Variants in ISOC1 observed in about 807,000 individuals in gnomAD.
ISOC1 encodes isochorismatase domain-containing protein 1.
ISOC1 carries 33 observed loss-of-function variants against 30.0 expected under a neutral mutation model. The ratio of observed to expected loss-of-function variants is 1.10; its 90% confidence interval spans 0.83 to 1.47. The LOEUF is 1.47. Among genes scored for constraint, ISOC1 ranks in the 40% most tolerant of loss-of-function variants. The pLI, the probability that ISOC1 is intolerant of heterozygous loss-of-function variation, is 0.00. For synonymous variants in ISOC1, 178 were observed against 159.8 expected (o/e 1.11, Z -0.86); for missense variants, 372 against 388.0 (o/e 0.96, Z 0.35).
intron 1 of ISOC1, 98 bp from the exon 2 acceptor site, chr5:129,104,858 C>T: frequency 8.3e-7 from 1 of 1,211,546 alleles, no homozygotes; most frequent in Non-Finnish European, 1.1e-6. Context: ...CTTACTGGCT[C>T]AAACAATAGG....
intron 1 of ISOC1, among the ~76,000 whole-genome samples, chr5:129,095,957 C>A (rs564343671): frequency 6.6e-6 from 1 of 152,332 alleles, no homozygotes; most frequent in South Asian, 2.1e-4. Flanking sequence ...GATATCATTT[C>A]TTTAGCTGAG....
At chr5:129,099,843 C>T (rs1051035636) in intron 1 of ISOC1, among the ~76,000 whole-genome samples, 1 of 152,064 alleles carries the variant, frequency 6.6e-6, no homozygotes, top group African/African-American at 2.4e-5. Context: ...TTGAAATACC[C>T]CTATGATGTA....
Position 129,113,151 on chromosome 5 carries a change from G to A in ISOC1, c.*150G>A, listed in dbSNP as rs1014151203. The A allele has an allele frequency of 1.7e-6, 1 of 604,704 alleles. No individual in the cohort carries two copies. Among genetic ancestry groups the A allele is most frequent in the Non-Finnish European group, 2.7e-6 (1 of 366,478 alleles). 37.5% of individuals were successfully genotyped at this position (604,704 alleles called of 1,614,324 possible). On this transcript the variant is annotated 3_prime_UTR_variant, in exon 5 of 5. Transcript: ENST00000173527. ...TGCGCCTCCTAGTGAAACTTAACCA[G>A]CTAGACCATTTGAGTACCAGCATTT...
At chr5:129,112,077 G>T (rs971351050) in intron 4 of ISOC1, among the ~76,000 whole-genome samples, 1 of 152,136 alleles carries the variant, frequency 6.6e-6, no homozygotes, top group Non-Finnish European at 1.5e-5. Context: ...GCAGTAAAAA[G>T]AAATTAAGAA....
chr5:129,097,613 A>G (rs986936995), intron 1 of ISOC1: 2 of 152,320 alleles, frequency 1.3e-5, no homozygotes, highest in Non-Finnish European at 2.9e-5. Flanking sequence ...TCCTTACCTA[A>G]TAAATGAACT....
chr5:129,107,067 T>C lies in ISOC1; in HGVS notation c.750+5T>C. The C allele has an allele frequency of 6.2e-7, 1 of 1,601,218 alleles. No individual in the cohort carries two copies. Among genetic ancestry groups the C allele is most frequent in the Non-Finnish European group, 8.6e-7 (1 of 1,168,550 alleles). On this transcript the variant is annotated splice_donor_5th_base_variant and intron_variant, in intron 4 of 4. Transcript: ENST00000173527. ...GACAGGATGTTTGCCCTCGAGGTAA[T>C]TGTCCTGCTTGGGAATAGATCATTT...
intron 1 of ISOC1, among the ~76,000 whole-genome samples, chr5:129,100,481 T>C (rs114633488): frequency 0.017 from 2,663 of 152,224 alleles, 31 homozygotes; most frequent in African/African-American, 0.032. Flanking sequence ...CATATAGATA[T>C]ACGAAGGTGT....
At chr5:129,106,185 C>T (rs1753635827) in intron 3 of ISOC1, among the ~76,000 whole-genome samples, 1 of 152,138 alleles carries the variant, frequency 6.6e-6, no homozygotes, top group Non-Finnish European at 1.5e-5. Context: ...ACCTTATGCT[C>T]AATCACAATT....
Position 129,094,800 on chromosome 5 carries a change from C to T in ISOC1, c.34C>T (p.Pro12Ser), listed in dbSNP as rs764255107. 11 of 1,532,514 alleles carry T rather than the reference C, an allele frequency of 7.2e-6. No individual in the cohort carries two copies. The East Asian group carries it at 2.7e-4, about 38-fold the overall frequency. The allele number at this position is 1,532,514 out of a possible 1,614,324, so 94.9% of individuals were successfully genotyped here. A position where few individuals can be genotyped will look rare whatever the true frequency, so the allele number is the denominator to read the frequency against. ...AAAEPAVLALPNSGAGGAGAP... is the reference protein window; with the variant it reads ...AAAEPAVLALSNSGAGGAGAP... The stretch of plus-strand genomic sequence containing the variant: ...TGCGGAGCCGGCGGTCCTTGCGCTC[C>T]CCAACAGCGGCGCCGGGGGCGCGGG... The change falls in exon 1 of 5, where the codon CCC (proline) becomes TCC (serine). Residue 12 changes from proline to serine, a missense_variant. Pro to Ser is a moderately conservative substitution (Grantham distance 74). Coordinates refer to ENST00000173527, the MANE Select transcript of ISOC1 (RefSeq NM_016048.2).
chr5:129,110,854 G>A (rs1445362961), intron 4 of ISOC1, among the ~76,000 whole-genome samples: 1 of 152,208 alleles, frequency 6.6e-6, no homozygotes, highest in East Asian at 1.9e-4. Context: ...GGAGTATACA[G>A]TGTAAAGCAC....
At chr5:129,098,457 T>C (rs1753534037) in intron 1 of ISOC1, among the ~76,000 whole-genome samples, 1 of 152,232 alleles carries the variant, frequency 6.6e-6, no homozygotes, top group African/African-American at 2.4e-5. Flanking sequence ...AGTGGGGATT[T>C]ACGTCATTTT....
intron 1 of ISOC1, 46 bp from the exon 2 acceptor site, chr5:129,104,910 T>G (rs1351302903): frequency 1.0e-5 from 16 of 1,590,806 alleles, no homozygotes; most frequent in Non-Finnish European, 1.4e-5. Context: ...AAAATAAATG[T>G]CATTGTACAA....
chr5:129,112,847 T>C lies in ISOC1; in HGVS notation c.751-8T>C. Reference sequence around the variant, plus strand: ...ATTTCTTGATTTGCCTTTATCTTTTTGTTCAAGCGTCTCGCTCGAACCGGG... The same window carrying C: ...ATTTCTTGATTTGCCTTTATCTTTTCGTTCAAGCGTCTCGCTCGAACCGGG... On this transcript the variant is annotated splice_region_variant and splice_polypyrimidine_tract_variant and intron_variant, in intron 4 of 4. Transcript: ENST00000173527. 6.2e-7 allele frequency: 1 copy of C among 1,608,164 alleles called. No individual in the cohort carries two copies. The highest frequency in any genetic ancestry group is 8.5e-7 in the Non-Finnish European group (1 of 1,178,190).
In ISOC1 at chr5:129,113,045, C is replaced by T; in HGVS notation, c.*44C>T. ...ATGCTACTCACTGGTGAAGGACAGTCAGGTGAAGGACTGTAAGCCCACACA... is the reference window on the plus strand; with the variant it reads ...ATGCTACTCACTGGTGAAGGACAGTTAGGTGAAGGACTGTAAGCCCACACA... On this transcript the variant is annotated 3_prime_UTR_variant, in exon 5 of 5. Coordinates refer to ENST00000173527, the MANE Select transcript of ISOC1 (RefSeq NM_016048.2). The T allele has an allele frequency of 1.9e-6, 3 of 1,562,894 alleles. No homozygotes were observed. Among genetic ancestry groups the T allele is most frequent in the Non-Finnish European group, 2.6e-6 (3 of 1,149,376 alleles).
chr5:129,103,735 C>G (rs3798114), intron 1 of ISOC1, among the ~76,000 whole-genome samples: 13,912 of 152,084 alleles, frequency 0.091, 738 homozygotes, highest in South Asian at 0.18. Context: ...GGTGGTGAAG[C>G]CACACCATGT....
Position 129,112,867 on chromosome 5 carries a change from A to T in ISOC1, c.763A>T (p.Thr255Ser). The change falls in exon 5 of 5, where the codon ACC (threonine) becomes TCC (serine). Residue 255 changes from threonine (T) to serine (S), a missense_variant. Transcript: ENST00000173527. ...RMFALERLAR[T>S]GIIVTTSEAV... ...CTTTTTGTTCAAGCGTCTCGCTCGAACCGGGATCATAGTGACCACGAGTGA... is the reference window on the plus strand; with the variant it reads ...CTTTTTGTTCAAGCGTCTCGCTCGATCCGGGATCATAGTGACCACGAGTGA... 6.2e-7 allele frequency: 1 copy of T among 1,612,494 alleles called. No individual in the cohort carries two copies. The highest frequency in any genetic ancestry group is 1.3e-5 in the African/African-American group (1 of 74,876).
chr5:129,104,497 A>G (rs1375236768), intron 1 of ISOC1, among the ~76,000 whole-genome samples: 1 of 152,160 alleles, frequency 6.6e-6, no homozygotes. Context: ...AAAAAAAGAA[A>G]TTACCAACAC....
intron 3 of ISOC1, among the ~76,000 whole-genome samples, chr5:129,105,920 A>T (rs1753631437): frequency 6.6e-6 from 1 of 152,214 alleles, no homozygotes; most frequent in African/African-American, 2.4e-5. Flanking sequence ...CAACTATTAA[A>T]CTAAAATTTT....
chr5:129,113,189 C>T lies in ISOC1; in HGVS notation c.*188C>T, dbSNP rs1201949630. Reference sequence around the variant, plus strand: ...AGTACCAGCATTTAGTTACAAACGTCAAAGGCTTCCGGTGCTGCTTACCTT... The same window carrying T: ...AGTACCAGCATTTAGTTACAAACGTTAAAGGCTTCCGGTGCTGCTTACCTT... On this transcript the variant is annotated 3_prime_UTR_variant, in exon 5 of 5. Coordinates refer to ENST00000173527, the MANE Select transcript of ISOC1 (RefSeq NM_016048.2). 1.1e-5 allele frequency: 5 copies of T among 476,016 alleles called. No homozygotes were observed. Among genetic ancestry groups the T allele is most frequent in the Non-Finnish European group, 1.8e-5 (5 of 272,378 alleles). The allele number at this position is 476,016 out of a possible 1,614,324, so 29.5% of individuals were successfully genotyped here. A position where few individuals can be genotyped will look rare whatever the true frequency, so the allele number is the denominator to read the frequency against.
Sources: gnomAD v4.1 joint callset for allele counts (sites outside exome capture counted in the v4.1 genomes callset) on GRCh38, gnomAD v4.1.1 for gene constraint, MANE v1.5 for transcripts, NCBI Gene and HGNC (gene_info 2026-07-23, HGNC 2026-07-21) for gene names.